The following ROBO2 variants were observed in gnomAD, a reference collection of about 807,000 sequenced individuals.
ROBO2 encodes roundabout homolog 2.
Under a neutral mutation model 160.8 loss-of-function variants are expected in ROBO2, and 53 were observed. The ratio of observed to expected loss-of-function variants is 0.33; its 90% CI spans 0.26 to 0.41. The LOEUF is 0.41. ROBO2 is among the 10% of genes least tolerant of loss of function. The pLI is 1.00. For synonymous variants in ROBO2, 664 were observed against 611.7 expected (o/e 1.09, Z -1.26); for missense variants, 1,577 against 1,722.4 (o/e 0.92, Z 1.49).
chr3:77,593,110 G>A (rs1273214046), intron 17 of ROBO2, among the ~76,000 whole-genome samples: 1 of 151,646 alleles, frequency 6.6e-6, no homozygotes, highest in East Asian at 1.9e-4. Flanking sequence ...CACATTTTGA[G>A]GTGTAACCCA....
intron 2 of ROBO2, among the ~76,000 whole-genome samples, chr3:77,127,845 T>C (rs1211374660): frequency 6.6e-6 from 1 of 152,148 alleles, no homozygotes; most frequent in Non-Finnish European, 1.5e-5. Context: ...AGGTTGTGTG[T>C]TGAGGTGAAA....
chr3:77,579,083 G>A (rs975267601), intron 15 of ROBO2, among the ~76,000 whole-genome samples: 6 of 151,964 alleles, frequency 3.9e-5, no homozygotes, highest in East Asian at 1.9e-4. Flanking sequence ...TACCTGCTCC[G>A]AAACAAATCA....
chr3:76,920,175 CTTTT>C (rs139367508), intron 2 of ROBO2, among the ~76,000 whole-genome samples: 2 of 150,738 alleles, frequency 1.3e-5, no homozygotes, highest in Non-Finnish European at 3.0e-5. Flanking sequence ...TTCTCTTTTC[CTTTT>C]TTTTTGAGAG....
chr3:77,618,044 T>C, intron 22 of ROBO2: 1 of 464,810 alleles, frequency 2.2e-6, no homozygotes, highest in Non-Finnish European at 3.9e-6. Flanking sequence ...GAGCAAGAAT[T>C]CAAATCTGCT....
chr3:76,760,208 G>A (rs898470077), intron 2 of ROBO2, among the ~76,000 whole-genome samples: 1 of 151,714 alleles, frequency 6.6e-6, no homozygotes, highest in South Asian at 2.1e-4. Flanking sequence ...ATTGAAATCT[G>A]TAAGTTTCAG....
intron 2 of ROBO2, among the ~76,000 whole-genome samples, chr3:76,323,144 C>CACACACAA (rs2072710264): frequency 6.9e-6 from 1 of 145,242 alleles, no homozygotes; most frequent in Non-Finnish European, 1.5e-5. Flanking sequence ...GTATTACACA[C>CACACACAA]ACACACACAC....
chr3:76,094,518 T>G (rs560154825), intron 2 of ROBO2, among the ~76,000 whole-genome samples: 1 of 152,354 alleles, frequency 6.6e-6, no homozygotes, highest in East Asian at 1.9e-4. Context: ...AATTAAGTCT[T>G]CTCTGGAAGA....
intron 2 of ROBO2, among the ~76,000 whole-genome samples, chr3:77,168,553 A>G (rs2079320715): frequency 6.6e-6 from 1 of 152,178 alleles, no homozygotes; most frequent in South Asian, 2.1e-4. Flanking sequence ...ACTTACTGTC[A>G]TAGTTACATG....
At chr3:77,456,762 A>G (rs1011593634) in intron 2 of ROBO2, among the ~76,000 whole-genome samples, 4 of 152,198 alleles carry the variant, frequency 2.6e-5, no homozygotes, top group Admixed American at 2.0e-4. Context: ...GGCTCTTCTC[A>G]GTAGAATATA....
chr3:77,211,934 A>G (rs1053391442), intron 2 of ROBO2, among the ~76,000 whole-genome samples: 2 of 152,128 alleles, frequency 1.3e-5, no homozygotes, highest in Non-Finnish European at 2.9e-5. Context: ...ATTGGTCTAT[A>G]ACTCTGTTTT....
intron 2 of ROBO2, among the ~76,000 whole-genome samples, chr3:76,521,705 T>C (rs1215551575): frequency 6.6e-6 from 1 of 152,194 alleles, no homozygotes; most frequent in Non-Finnish European, 1.5e-5. Flanking sequence ...TGGAAAACTC[T>C]AGCTTAATAT....
intron 2 of ROBO2, among the ~76,000 whole-genome samples, chr3:77,303,564 TA>T (rs1212251672): frequency 6.6e-6 from 1 of 152,138 alleles, no homozygotes; most frequent in African/African-American, 2.4e-5. Context: ...TCACAATGCT[TA>T]TATTTGAGTA....
intron 2 of ROBO2, among the ~76,000 whole-genome samples, chr3:77,443,263 C>G (rs1312659135): frequency 6.6e-6 from 1 of 151,826 alleles, no homozygotes. Flanking sequence ...AAATAATTCT[C>G]ATACAATGAG....
intron 2 of ROBO2, among the ~76,000 whole-genome samples, chr3:76,030,714 C>G (rs1395829320): frequency 6.6e-6 from 1 of 152,106 alleles, no homozygotes; most frequent in African/African-American, 2.4e-5. Flanking sequence ...CTGTTCTGTT[C>G]CATTGTTCTA....
At chr3:76,798,304 GAAAGAAAGAAA>G (rs1560581038) in intron 2 of ROBO2, among the ~76,000 whole-genome samples, 18 of 149,910 alleles carry the variant, frequency 1.2e-4, no homozygotes, top group African/African-American at 4.5e-4. Flanking sequence ...AAGAAAGAAA[GAAAGAAAGAAA>G]AAAGAACGAA....
At chr3:76,806,162 T>G (rs1295928928) in intron 2 of ROBO2, among the ~76,000 whole-genome samples, 6 of 151,726 alleles carry the variant, frequency 4.0e-5, no homozygotes, top group Admixed American at 3.3e-4. Flanking sequence ...CGTTATTATT[T>G]CTTCTGGAAA....
At chr3:75,997,006 TATATA>T (rs1274986256) in intron 2 of ROBO2, among the ~76,000 whole-genome samples, 1 of 152,216 alleles carries the variant, frequency 6.6e-6, no homozygotes, top group African/African-American at 2.4e-5. Flanking sequence ...ACCTAAAAAT[TATATA>T]AGTAAGACTA....
chr3:75,993,597 A>C (rs916788851), intron 2 of ROBO2, among the ~76,000 whole-genome samples: 4 of 152,068 alleles, frequency 2.6e-5, no homozygotes, highest in Non-Finnish European at 5.9e-5. Flanking sequence ...AGTCCCTTTC[A>C]GTTTTTTTAA....
At chr3:76,898,446 A>C (rs563577670) in intron 2 of ROBO2, among the ~76,000 whole-genome samples, 166 of 152,250 alleles carry the variant, frequency 1.1e-3, no homozygotes, top group African/African-American at 3.8e-3. Flanking sequence ...TATAAATAGC[A>C]AAAACTTTAA....
Sources: gnomAD v4.1 joint callset for allele counts (sites outside exome capture counted in the v4.1 genomes callset) on GRCh38, gnomAD v4.1.1 for gene constraint, MANE v1.5 for transcripts, NCBI Gene and HGNC (gene_info 2026-07-23, HGNC 2026-07-21) for gene names.